Variants in LYPLA1 observed in about 807,000 individuals in gnomAD.
The protein encoded by LYPLA1 is acyl-protein thioesterase 1.
LYPLA1 carries 17 observed loss-of-function variants against 34.0 expected under a neutral mutation model. The ratio of observed to expected loss-of-function variants is 0.50; its 90% confidence interval spans 0.34 to 0.75. The LOEUF (loss-of-function observed/expected upper bound fraction) is 0.75, where lower values mean the gene tolerates loss of function less well. LYPLA1 is among the 30% of genes least tolerant of loss of function. The probability of loss-of-function intolerance (pLI) is 0.01; values close to 1 mark genes in which losing one functional copy is unlikely to be tolerated. For missense variants in LYPLA1, 203 were observed against 288.8 expected, an observed-to-expected ratio of 0.70 and a Z score of 2.15; for synonymous variants, 98 against 100.8, an observed-to-expected ratio of 0.97 and a Z score of 0.17.
At chr8:54,079,800 GAAATAAAT>G (rs569962405) in intron 2 of LYPLA1, among the ~76,000 whole-genome samples, 8 of 151,308 alleles carry the variant, frequency 5.3e-5, no homozygotes, top group South Asian at 4.2e-4. Context: ...GTTTCCCCCT[GAAATAAAT>G]AAATAAATAA....
downstream of LYPLA1, among the ~76,000 whole-genome samples, chr8:54,044,535 C>A (rs1214210319): frequency 6.6e-6 from 1 of 152,060 alleles, no homozygotes; most frequent in Non-Finnish European, 1.5e-5. Flanking sequence ...CAGTCCACAG[C>A]CCAGACCAAA....
Position 54,101,887 on chromosome 8 carries a change from G to T in LYPLA1, c.-64C>A, listed in dbSNP as rs962244283. ...GGGCGCCCGGCCGCGGCCCAAGGGC[G>T]TGCGAGCGGCGAGTCCCGGCCGGCC... On this transcript the variant is annotated 5_prime_UTR_variant, in exon 1 of 9. Coordinates refer to ENST00000316963, the MANE Select transcript of LYPLA1 (RefSeq NM_006330.4). The T allele has an allele frequency of 3.0e-5, 32 of 1,054,036 alleles. No homozygotes were observed. Among genetic ancestry groups the T allele is most frequent in the South Asian group, 1.8e-4 (4 of 21,752 alleles). 65.3% of individuals were successfully genotyped at this position (1,054,036 alleles called of 1,614,324 possible). A position where few individuals can be genotyped will look rare whatever the true frequency, so the allele number is the denominator to read the frequency against.
intron 1 of LYPLA1, 193 bp downstream of exon 1, chr8:54,101,562 C>A (rs987515640): frequency 8.7e-7 from 1 of 1,149,294 alleles, no homozygotes; most frequent in Non-Finnish European, 1.1e-6. Flanking sequence ...CTGGCCCTCG[C>A]GCCGGCTGTG....
At chr8:54,049,097 TAGG>T (rs1449616132) in intron 8 of LYPLA1, among the ~76,000 whole-genome samples, 2 of 152,208 alleles carry the variant, frequency 1.3e-5, no homozygotes, top group Non-Finnish European at 2.9e-5. Context: ...TCTATATCAG[TAGG>T]AGAACACCCT....
chr8:54,087,145 A>G (rs1458886732), intron 2 of LYPLA1, among the ~76,000 whole-genome samples: 4 of 152,218 alleles, frequency 2.6e-5, no homozygotes, highest in African/African-American at 9.6e-5. Flanking sequence ...AGAAAATCCT[A>G]TGAAATCTAC....
intron 2 of LYPLA1, among the ~76,000 whole-genome samples, chr8:54,069,542 C>T (rs140313114): frequency 1.1e-4 from 17 of 152,068 alleles, no homozygotes; most frequent in Non-Finnish European, 2.2e-4. Flanking sequence ...GGTGAAACCC[C>T]GTCTCTACTA....
In LYPLA1 at chr8:54,099,743, G is replaced by A. The variant is rs536184993; in HGVS notation, c.101+1165C>T. Among the ~76,000 whole-genome samples the A allele has an allele frequency of 4.0e-5, 6 of 151,344 alleles. No homozygotes were observed. The South Asian group carries it at 8.4e-4, about 21-fold the overall frequency. ...CTGTGGCCCAGGCTGGAGTGCAGTCGTGCAATCTTGGCTCACTGAAGCCTC... is the reference window on the plus strand; with the variant it reads ...CTGTGGCCCAGGCTGGAGTGCAGTCATGCAATCTTGGCTCACTGAAGCCTC... On this transcript the variant is annotated intron_variant, in intron 2 of 8. Coordinates refer to ENST00000316963, the MANE Select transcript of LYPLA1 (RefSeq NM_006330.4).
chr8:54,059,682 A>G (rs1158798141), intron 5 of LYPLA1, among the ~76,000 whole-genome samples: 1 of 152,226 alleles, frequency 6.6e-6, no homozygotes, highest in African/African-American at 2.4e-5. Context: ...CTGTAATCCC[A>G]GTACTTTTGG....
In LYPLA1 at chr8:54,092,575, C is replaced by T. The variant is rs184316697; in HGVS notation, c.101+8333G>A. 1.5e-3 allele frequency among the ~76,000 whole-genome samples: 223 copies of T among 152,170 alleles called. 2 individuals are homozygous for T. Among genetic ancestry groups the T allele is most frequent in the Non-Finnish European group, 7.4e-4 (50 of 68,010 alleles). On this transcript the variant is annotated intron_variant, in intron 2 of 8. Coordinates refer to ENST00000316963, the MANE Select transcript of LYPLA1 (RefSeq NM_006330.4). ...CAGGAGCTAGTTGTACTGGATGATTCGAAGGTCTATACAGGTTATAAAACT... is the reference window on the plus strand; with the variant it reads ...CAGGAGCTAGTTGTACTGGATGATTTGAAGGTCTATACAGGTTATAAAACT...
At chr8:54,043,613 G>C (rs1198301575), downstream of LYPLA1, among the ~76,000 whole-genome samples, 1 of 152,056 alleles carries the variant, frequency 6.6e-6, no homozygotes, top group African/African-American at 2.4e-5. Context: ...TGTTGCCCAG[G>C]CTGTAGTGCA....
At chr8:54,069,954 C>G (rs772612426) in intron 2 of LYPLA1, among the ~76,000 whole-genome samples, 1 of 152,174 alleles carries the variant, frequency 6.6e-6, no homozygotes, top group Non-Finnish European at 1.5e-5. Context: ...CCACTTCATA[C>G]CTACCGGAAT....
At chr8:54,053,341 G>A (rs533928861) in intron 6 of LYPLA1, 20 of 260,346 alleles carry the variant, frequency 7.7e-5, no homozygotes, top group African/African-American at 2.6e-4. Flanking sequence ...TGATCCACGC[G>A]CCTCAGCCTC....
In LYPLA1 at chr8:54,100,292, T is replaced by A. The variant is rs190528238; in HGVS notation, c.101+616A>T. The A allele has an allele frequency of 4.2e-3, 647 of 152,448 alleles. 10 individuals carry two copies. The highest frequency in any genetic ancestry group is 8.7e-3 in the South Asian group (42 of 4,832). 9.4% of individuals were successfully genotyped at this position (152,448 alleles called of 1,614,324 possible). A position where few individuals can be genotyped will look rare whatever the true frequency, so the allele number is the denominator to read the frequency against. ...TGAGCCCAGGAGTTCAAAGCTGCAG[T>A]GAGCTAAGATCCTGCAACTGCACTC... On this transcript the variant is annotated intron_variant, in intron 2 of 8. Coordinates refer to ENST00000316963, the MANE Select transcript of LYPLA1 (RefSeq NM_006330.4).
chr8:54,084,133 A>AAAAAAAAAAAAAATTTTTATATATATAT (rs1373090573), intron 2 of LYPLA1, among the ~76,000 whole-genome samples: 10 of 120,446 alleles, frequency 8.3e-5, no homozygotes, highest in African/African-American at 4.6e-4. Flanking sequence ...AGAAAAAAAA[A>AAAAAAAAAAAAAATTTTTATATATATAT]ATAAATAAAT....
intron 7 of LYPLA1, 73 bp downstream of exon 7, chr8:54,052,582 A>C (rs879217145): frequency 3.3e-6 from 3 of 922,796 alleles, no homozygotes; most frequent in Non-Finnish European, 5.1e-6. Context: ...AAATAAGATG[A>C]CTTTATCTCC....
chr8:54,092,276 A>G (rs1563665780), intron 2 of LYPLA1, among the ~76,000 whole-genome samples: 8 of 149,104 alleles, frequency 5.4e-5, no homozygotes, highest in Admixed American at 4.7e-4. Flanking sequence ...AGAAGGAGAA[A>G]GAAGGAAGAG....
intron 3 of LYPLA1, among the ~76,000 whole-genome samples, chr8:54,063,654 A>G (rs1806825882): frequency 6.6e-6 from 1 of 152,230 alleles, no homozygotes; most frequent in Non-Finnish European, 1.5e-5. Flanking sequence ...CTTCTCAGAC[A>G]CGAGAAGAGA....
At chr8:54,101,057 A>C in intron 1 of LYPLA1, 118 bp from the exon 2 acceptor site, 1 of 809,590 alleles carries the variant, frequency 1.2e-6, no homozygotes, top group Non-Finnish European at 2.0e-6. Flanking sequence ...ATTACACAAC[A>C]CTATCTTCGG....
At chr8:54,055,333 T>C (rs1408377390) in intron 5 of LYPLA1, among the ~76,000 whole-genome samples, 200 bp from the exon 6 acceptor site, 1 of 152,026 alleles carries the variant, frequency 6.6e-6, no homozygotes, top group Admixed American at 6.6e-5. Flanking sequence ...AAAAGGAAAT[T>C]TTAAAAAAAT....
Sources: allele counts gnomAD v4.1 joint callset (sites outside exome capture counted in the v4.1 genomes callset), GRCh38; gene constraint gnomAD v4.1.1; transcripts MANE v1.5; gene names NCBI Gene and HGNC (gene_info 2026-07-23, HGNC 2026-07-21).